CEP350: variants seen among roughly 807,000 people sequenced by gnomAD.
The protein encoded by CEP350 is centrosome-associated protein 350.
CEP350 carries 126 observed loss-of-function variants against 331.8 expected under a neutral mutation model. The observed-to-expected ratio is 0.38, with a 90% CI of 0.33 to 0.44. The LOEUF is 0.44. Ranked by LOEUF, CEP350 falls within the 20% of genes least tolerant of loss-of-function variation. The pLI is 1.00. For missense variants in CEP350, 3,406 were observed against 3,634.6 expected (o/e 0.94, Z 1.62); for synonymous variants, 1,200 against 1,259.5 (o/e 0.95, Z 1.00).
intron 6 of CEP350, among the ~76,000 whole-genome samples, chr1:180,000,130 A>G (rs935823867): frequency 2.6e-5 from 4 of 152,204 alleles, no homozygotes; most frequent in Non-Finnish European, 5.9e-5. Flanking sequence ...GGAAATAAAG[A>G]CTTGGGGACA....
chr1:180,051,712 A>G (rs189511071), intron 22 of CEP350, among the ~76,000 whole-genome samples: 3 of 152,366 alleles, frequency 2.0e-5, no homozygotes, highest in Non-Finnish European at 4.4e-5. Context: ...GATACATGGC[A>G]TAACAACATT....
chr1:180,034,473 C>T (rs78264235), intron 16 of CEP350, among the ~76,000 whole-genome samples: 3 of 145,360 alleles, frequency 2.1e-5, no homozygotes, highest in South Asian at 4.3e-4. Flanking sequence ...GTTTTTTTGT[C>T]TTTTTTTTTT....
intron 1 of CEP350, among the ~76,000 whole-genome samples, chr1:179,974,048 T>G (rs573773023): frequency 8.0e-5 from 12 of 149,608 alleles, no homozygotes; most frequent in Admixed American, 4.7e-4. Flanking sequence ...TTTTTCTGTT[T>G]TTTTTTTGTT....
chr1:180,061,474 G>A (rs998548820), intron 25 of CEP350, among the ~76,000 whole-genome samples: 1 of 152,134 alleles, frequency 6.6e-6, no homozygotes, highest in Non-Finnish European at 1.5e-5. Flanking sequence ...GATTACAGGT[G>A]TGAGCCACCA....
intron 21 of CEP350, among the ~76,000 whole-genome samples, chr1:180,045,528 TAA>T (rs921638546): frequency 2.0e-5 from 3 of 152,158 alleles, no homozygotes; most frequent in African/African-American, 7.2e-5. Flanking sequence ...ATCATGAAAC[TAA>T]AAGACATGAA....
intron 11 of CEP350, among the ~76,000 whole-genome samples, chr1:180,017,904 C>CT (rs1655073192): frequency 6.6e-6 from 1 of 152,172 alleles, no homozygotes; most frequent in African/African-American, 2.4e-5. Context: ...CCCTACTGAA[C>CT]TTTTTAAATC....
chr1:180,047,540 T>G (rs868575822), intron 21 of CEP350, among the ~76,000 whole-genome samples: 5 of 151,732 alleles, frequency 3.3e-5, no homozygotes, highest in African/African-American at 1.2e-4. Context: ...GTGGATCATC[T>G]GAGGTTAGGA....
intron 27 of CEP350, among the ~76,000 whole-genome samples, chr1:180,074,494 CATT>C (rs1187926477): frequency 6.6e-6 from 1 of 152,126 alleles, no homozygotes; most frequent in Non-Finnish European, 1.5e-5. Context: ...AAACAAAACT[CATT>C]AGACCTGAAA....
intron 22 of CEP350, 74 bp downstream of exon 22, chr1:180,048,779 G>T: frequency 8.2e-7 from 1 of 1,222,876 alleles, no homozygotes. Flanking sequence ...GTTATAAAGT[G>T]GCAAATAAGC....
chr1:180,088,100 G>A (rs1270313705), intron 32 of CEP350, among the ~76,000 whole-genome samples: 1 of 151,964 alleles, frequency 6.6e-6, no homozygotes, highest in Non-Finnish European at 1.5e-5. Flanking sequence ...AAAATGTGGG[G>A]TACTGAAAAT....
At chr1:180,029,555 A>G (rs1470650621) in intron 14 of CEP350, among the ~76,000 whole-genome samples, 2 of 152,176 alleles carry the variant, frequency 1.3e-5, no homozygotes, top group African/African-American at 4.8e-5. Context: ...CATCCCCACC[A>G]CTCAACTTCA....
chr1:180,011,836 C>T, intron 8 of CEP350, 93 bp from the exon 9 acceptor site: 1 of 816,586 alleles, frequency 1.2e-6, no homozygotes, highest in Non-Finnish European at 1.9e-6. Flanking sequence ...GACAGATGAA[C>T]ATAAGATTAA....
rs189496369 is a variant in CEP350 at position 180,074,389 on chromosome 1, C to G, written c.5568-633C>G. Among the ~76,000 whole-genome samples, 51 of 152,134 alleles carry G rather than the reference C, an allele frequency of 3.4e-4. No individual in the cohort carries two copies. The East Asian group carries it at 3.7e-3, about 11-fold the overall frequency. ...CTTTACTCAAGTAAATAAATAGTTA[C>G]GTTTATATGCATAAGACATGGACTG... On this transcript the variant is annotated intron_variant, in intron 27 of 37. Transcript: ENST00000367607.
intron 31 of CEP350, among the ~76,000 whole-genome samples, chr1:180,084,624 A>G (rs1373291927): frequency 6.6e-6 from 1 of 152,180 alleles, no homozygotes; most frequent in Non-Finnish European, 1.5e-5. Flanking sequence ...TCGGCCTCCC[A>G]AAGTGCTAGG....
At position 180,094,500 on chromosome 1, in the gene CEP350, C is replaced by G; in HGVS notation, c.8395C>G (p.Gln2799Glu). The G allele has an allele frequency of 1.2e-6, 2 of 1,613,904 alleles. No individual in the cohort carries two copies. Among genetic ancestry groups the G allele is most frequent in the Non-Finnish European group, 1.7e-6 (2 of 1,179,850 alleles). The change falls in exon 34 of 38, where the codon CAA (glutamine) becomes GAA (glutamate). Residue 2799 changes from glutamine (Q) to glutamate (E), a missense_variant. Coordinates refer to ENST00000367607, the MANE Select transcript of CEP350 (RefSeq NM_014810.5). ...LGDDQKKVTP[Q>E]DLSQNVEEQS... ...TGATGACCAAAAGAAAGTAACACCC[C>G]AAGACCTATCCCAAAATGTTGAGGA... is the stretch of plus-strand genomic sequence containing the variant.
intron 22 of CEP350, among the ~76,000 whole-genome samples, chr1:180,050,430 A>C (rs1251737745): frequency 6.6e-6 from 1 of 152,188 alleles, no homozygotes; most frequent in East Asian, 1.9e-4. Flanking sequence ...TGGGAGGCTG[A>C]GGCAGGCAGA....
At position 180,033,972 on chromosome 1, in the gene CEP350, A is replaced by G; in HGVS notation, c.3836A>G (p.Lys1279Arg). Residue 1279 changes from lysine to arginine, a missense_variant, in exon 16 of 38, where the codon AAG becomes AGG. Lys to Arg is a conservative substitution (Grantham distance 26). This residue lies in a region of CEP350 where 1,857 missense variants were observed against 1,909.2 expected (regional missense o/e 0.97). Transcript: ENST00000367607. ...GCAGGAACTTCTTCAGAAAGATCTAAGTCGTCAGTAATGCCTCCAACTATA... is the reference window on the plus strand; with the variant it reads ...GCAGGAACTTCTTCAGAAAGATCTAGGTCGTCAGTAATGCCTCCAACTATA... ...DVAGTSSERS[K>R]SSVMPPTITG... 6.2e-7 allele frequency: 1 copy of G among 1,613,944 alleles called. No individual in the cohort carries two copies. Among genetic ancestry groups the G allele is most frequent in the Non-Finnish European group, 8.5e-7 (1 of 1,179,828 alleles).
intron 5 of CEP350, among the ~76,000 whole-genome samples, chr1:179,993,011 T>C (rs2148699161): frequency 6.6e-6 from 1 of 152,210 alleles, no homozygotes; most frequent in African/African-American, 2.4e-5. Flanking sequence ...CCTTGAGAGA[T>C]GGAGATGGAC....
chr1:180,068,646 C>T (rs1279197454), intron 27 of CEP350, among the ~76,000 whole-genome samples: 1 of 152,092 alleles, frequency 6.6e-6, no homozygotes, highest in African/African-American at 2.4e-5. Context: ...TTAAGTGTTT[C>T]ATTACTTAAA....
Sources: allele counts gnomAD v4.1 joint callset (sites outside exome capture counted in the v4.1 genomes callset), GRCh38; gene constraint gnomAD v4.1.1; regional missense constraint gnomAD v4.1.1; transcripts MANE v1.5; gene names NCBI Gene and HGNC (gene_info 2026-07-23, HGNC 2026-07-21).